EPN1: variants seen among roughly 807,000 people sequenced by gnomAD.
The protein encoded by EPN1 is epsin-1.
In EPN1, 25 loss-of-function variants were observed where a neutral mutation model predicts 56.9. The observed-to-expected ratio is 0.44, with a 90% CI of 0.32 to 0.61. EPN1 has a LOEUF of 0.61. Among genes scored for constraint, EPN1 ranks in the 20% least tolerant of loss-of-function variants. The pLI, the probability that EPN1 is intolerant of heterozygous loss-of-function variation, is 0.05. For synonymous variants in EPN1, 411 were observed against 361.8 expected (o/e 1.14, Z -1.54); for missense variants, 785 against 823.7 (o/e 0.95, Z 0.58).
rs1031579811 is a variant in EPN1, at chr19:55,706,966, G to A, written c.*11610G>A. On this transcript the variant is annotated 3_prime_UTR_variant, in exon 11 of 11. Coordinates refer to ENST00000270460, the MANE Select transcript of EPN1 (RefSeq NM_001130072.2). ...GAGGCAGGCGGATTACCTCAGGTCA[G>A]GAGTTTGAGACCAGCCTGACCAACA... is the stretch of plus-strand genomic sequence containing the variant. The A allele has an allele frequency of 1.3e-5, 2 of 152,214 alleles. No individual in the cohort carries two copies. The highest frequency in any genetic ancestry group is 4.8e-5 in the African/African-American group (2 of 41,434). 9.4% of individuals were successfully genotyped at this position (152,214 alleles called of 1,614,324 possible). A position where few individuals can be genotyped will look rare whatever the true frequency, so the allele number is the denominator to read the frequency against.
chr19:55,692,431 G>C (rs1986621121), intron 7 of EPN1, among the ~76,000 whole-genome samples: 1 of 152,058 alleles, frequency 6.6e-6, no homozygotes, highest in Non-Finnish European at 1.5e-5. Context: ...CGAGCCGTGG[G>C]AGCTGAGGGA....
rs963100088 is a variant in EPN1, at chr19:55,695,508, C to T, written c.*152C>T. On this transcript the variant is annotated 3_prime_UTR_variant, in exon 11 of 11. Coordinates refer to ENST00000270460, the MANE Select transcript of EPN1 (RefSeq NM_001130072.2). The surrounding 1 kb of genome is among the most constrained non-coding windows in gnomAD (Gnocchi z 4.4). ...CTCACACTACACCCTCTTCCTTTCC[C>T]ACCCCACCTCCCCGGAGAGAAACTG... The T allele has an allele frequency of 1.2e-5, 7 of 595,210 alleles. No individual in the cohort carries two copies. The highest frequency in any genetic ancestry group is 7.5e-5 in the African/African-American group (4 of 53,650). 36.9% of individuals were successfully genotyped at this position (595,210 alleles called of 1,614,324 possible).
chr19:55,684,890 T>G (rs1229627550), intron 2 of EPN1, among the ~76,000 whole-genome samples: 1 of 152,238 alleles, frequency 6.6e-6, no homozygotes, highest in Non-Finnish European at 1.5e-5. Context: ...CTCTTTTATT[T>G]GGATTGAGAT....
At position 55,701,463 on chromosome 19, in the gene EPN1, A is replaced by G. The variant is rs1262769304; in HGVS notation, c.*6107A>G. 6.6e-6 allele frequency: 1 copy of G among 151,950 alleles called. No homozygotes were observed. Among genetic ancestry groups the G allele is most frequent in the East Asian group, 1.9e-4 (1 of 5,180 alleles). 9.4% of individuals were successfully genotyped at this position (151,950 alleles called of 1,614,324 possible). A position where few individuals can be genotyped will look rare whatever the true frequency, so the allele number is the denominator to read the frequency against. The stretch of plus-strand genomic sequence containing the variant: ...GACCCTGTCTCCAAAAAAAAAAAAA[A>G]AATGATACTGTTTCCTGTATTTTTT... On this transcript the variant is annotated 3_prime_UTR_variant, in exon 11 of 11. Coordinates refer to ENST00000270460, the MANE Select transcript of EPN1 (RefSeq NM_001130072.2).
chr19:55,692,184 G>A (rs1229517226), intron 7 of EPN1, 127 bp downstream of exon 7: 2 of 894,904 alleles, frequency 2.2e-6, no homozygotes, highest in Non-Finnish European at 3.1e-6. Flanking sequence ...CCTGGGTGCA[G>A]GGGAGGGGGC....
chr19:55,706,078 C>G lies in EPN1; in HGVS notation c.*10722C>G. ...AGAATGTCCATTGGTTGGGGAACAA[C>G]CCAGCTTTAGTTTTTCCAGATTCTC... On this transcript the variant is annotated 3_prime_UTR_variant, in exon 11 of 11. Transcript: ENST00000270460. 4.1e-6 allele frequency: 1 copy of G among 244,396 alleles called. No individual in the cohort carries two copies. The highest frequency in any genetic ancestry group is 8.2e-6 in the Non-Finnish European group (1 of 121,654). 15.1% of individuals were successfully genotyped at this position (244,396 alleles called of 1,614,324 possible).
chr19:55,704,508 C>T lies in EPN1; in HGVS notation c.*9152C>T, dbSNP rs1212658515. 1 of 152,228 alleles carries T rather than the reference C, an allele frequency of 6.6e-6. No individual in the cohort carries two copies. Among genetic ancestry groups the T allele is most frequent in the Non-Finnish European group, 1.5e-5 (1 of 68,058 alleles). The allele number at this position is 152,228 out of a possible 1,614,324, so 9.4% of individuals were successfully genotyped here. On this transcript the variant is annotated 3_prime_UTR_variant, in exon 11 of 11. Transcript: ENST00000270460. ...GGAGAGAGGCCTTGGCGGAAGCCAACCCTGCAGCACCTTCATCTTGAATTT... is the reference window on the plus strand; with the variant it reads ...GGAGAGAGGCCTTGGCGGAAGCCAATCCTGCAGCACCTTCATCTTGAATTT...
chr19:55,701,567 C>G lies in EPN1; in HGVS notation c.*6211C>G, dbSNP rs78808463. The G allele has an allele frequency of 6.6e-6, 1 of 152,224 alleles. No individual in the cohort carries two copies. The highest frequency in any genetic ancestry group is 1.9e-4 in the East Asian group (1 of 5,188). 9.4% of individuals were successfully genotyped at this position (152,224 alleles called of 1,614,324 possible). Reference sequence around the variant, plus strand: ...TCCCCTTTCCCGGACTATTCTGACCCCAGCAGTTCTCAGAAGGAGCTGACA... The same window carrying G: ...TCCCCTTTCCCGGACTATTCTGACCGCAGCAGTTCTCAGAAGGAGCTGACA... On this transcript the variant is annotated 3_prime_UTR_variant, in exon 11 of 11. Transcript: ENST00000270460.
In EPN1 at chr19:55,706,271, C is replaced by T. The variant is rs1465145233; in HGVS notation, c.*10915C>T. 29 of 116,174 alleles carry T rather than the reference C, an allele frequency of 2.5e-4. 1 individual carries two copies. The highest frequency in any genetic ancestry group is 3.5e-4 in the African/African-American group (8 of 22,804). The allele number at this position is 116,174 out of a possible 1,614,324, so 7.2% of individuals were successfully genotyped here. On this transcript the variant is annotated 3_prime_UTR_variant, in exon 11 of 11. Transcript: ENST00000270460. ...TCCTCCTCTTTTCTTCCTTTCTTCTCTTTTTCTTCTTCTTTTTTTTTTTTT... is the reference window on the plus strand; with the variant it reads ...TCCTCCTCTTTTCTTCCTTTCTTCTTTTTTTCTTCTTCTTTTTTTTTTTTT...
At position 55,701,181 on chromosome 19, in the gene EPN1, T is replaced by A. The variant is rs1290294558; in HGVS notation, c.*5825T>A. ...ATGATACTGTTTCGCCTGGGTGCTG[T>A]GGCTCATGCTTGTAATCCTAGCACT... On this transcript the variant is annotated 3_prime_UTR_variant, in exon 11 of 11. Transcript: ENST00000270460. 6.6e-6 allele frequency: 1 copy of A among 152,214 alleles called. No homozygotes were observed. Among genetic ancestry groups the A allele is most frequent in the Non-Finnish European group, 1.5e-5 (1 of 68,074 alleles). The allele number at this position is 152,214 out of a possible 1,614,324, so 9.4% of individuals were successfully genotyped here. A position where few individuals can be genotyped will look rare whatever the true frequency, so the allele number is the denominator to read the frequency against.
rs1454730417 is a variant in EPN1 at position 55,704,820 on chromosome 19, AGAC to A, written c.*9465_*9467del. Reference sequence around the variant, plus strand: ...CACCGCTCCCTTCCTTCTGTAATACAGACAACAGAGACAGGAGATGGCCTGGCC... The same window carrying A: ...CACCGCTCCCTTCCTTCTGTAATACAAACAGAGACAGGAGATGGCCTGGCC... On this transcript the variant is annotated 3_prime_UTR_variant, in exon 11 of 11. Transcript: ENST00000270460. 1 of 152,374 alleles carries A rather than the reference AGAC, an allele frequency of 6.6e-6. No homozygotes were observed. Among genetic ancestry groups the A allele is most frequent in the Non-Finnish European group, 1.5e-5 (1 of 68,138 alleles). The allele number at this position is 152,374 out of a possible 1,614,324, so 9.4% of individuals were successfully genotyped here. A position where few individuals can be genotyped will look rare whatever the true frequency, so the allele number is the denominator to read the frequency against.
Position 55,700,794 on chromosome 19 carries a change from T to C in EPN1, c.*5438T>C, listed in dbSNP as rs1305197617. 3.9e-5 allele frequency: 6 copies of C among 152,390 alleles called. No individual in the cohort carries two copies. The highest frequency in any genetic ancestry group is 3.9e-4 in the Admixed American group (6 of 15,304). The allele number at this position is 152,390 out of a possible 1,614,324, so 9.4% of individuals were successfully genotyped here. Reference sequence around the variant, plus strand: ...TCAAAAGGTATAACTCATGCATTGATGGGGGTAACCCCTACAGCAGTTAAC... The same window carrying C: ...TCAAAAGGTATAACTCATGCATTGACGGGGGTAACCCCTACAGCAGTTAAC... On this transcript the variant is annotated 3_prime_UTR_variant, in exon 11 of 11. Transcript: ENST00000270460.
Position 55,692,765 on chromosome 19 carries a change from A to T in EPN1, c.1146A>T (p.Ser382=), listed in dbSNP as rs771266849. ...APAFSDPWGG[S]PAKPSTNGTT... ...CCTTCTCAGATCCCTGGGGAGGGTCACCTGCCAAGCCCAGCACCAATGGCA... is the reference window on the plus strand; with the variant it reads ...CCTTCTCAGATCCCTGGGGAGGGTCTCCTGCCAAGCCCAGCACCAATGGCA... The change falls in exon 8 of 11, where the codon TCA becomes TCT. Residue 382 remains serine, a synonymous_variant. Transcript: ENST00000270460. The T allele has an allele frequency of 6.3e-7, 1 of 1,590,944 alleles. No homozygotes were observed. The highest frequency in any genetic ancestry group is 8.6e-7 in the Non-Finnish European group (1 of 1,169,126).
rs1049197592 is a variant in EPN1 at position 55,697,083 on chromosome 19, A to C, written c.*1727A>C. On this transcript the variant is annotated 3_prime_UTR_variant, in exon 11 of 11. Coordinates refer to ENST00000270460, the MANE Select transcript of EPN1 (RefSeq NM_001130072.2). ...GCCAGGGAGGGGAAGCCCTCTTCTC[A>C]CACCCGGCCTGGGTATGTTGTGGGA... 3 of 152,142 alleles carry C rather than the reference A, an allele frequency of 2.0e-5. No homozygotes were observed. The South Asian group carries it at 6.2e-4, about 31-fold the overall frequency. 9.4% of individuals were successfully genotyped at this position (152,142 alleles called of 1,614,324 possible).
chr19:55,702,322 T>C lies in EPN1; in HGVS notation c.*6966T>C, dbSNP rs917194350. 4.6e-5 allele frequency: 7 copies of C among 152,284 alleles called. No individual in the cohort carries two copies. The highest frequency in any genetic ancestry group is 1.7e-4 in the African/African-American group (7 of 41,456). 9.4% of individuals were successfully genotyped at this position (152,284 alleles called of 1,614,324 possible). The stretch of plus-strand genomic sequence containing the variant: ...GTTTGTGCTGCTCTGCGCTGCTGCT[T>C]ATCTGTGTGTGCTAAAAGGGGAGGG... On this transcript the variant is annotated 3_prime_UTR_variant, in exon 11 of 11. Transcript: ENST00000270460.
rs972161150 is a variant in EPN1, at chr19:55,691,001, G to A, written c.763-753G>A. On this transcript the variant is annotated intron_variant, in intron 6 of 10. Coordinates refer to ENST00000270460, the MANE Select transcript of EPN1 (RefSeq NM_001130072.2). The surrounding 1 kb of genome is among the most constrained non-coding windows in gnomAD (Gnocchi z 5.6). ...CAGCTCTTCTCCCCTTCCCATCCCC[G>A]CCGGGGCCTTTGCCTCACGGGTGCT... Among the ~76,000 whole-genome samples, 2 of 152,090 alleles carry A rather than the reference G, an allele frequency of 1.3e-5. No individual in the cohort carries two copies. Among genetic ancestry groups the A allele is most frequent in the African/African-American group, 2.4e-5 (1 of 41,420 alleles).
At position 55,691,660 on chromosome 19, in the gene EPN1, C is replaced by A. The variant is rs1322320976; in HGVS notation, c.763-94C>A. ...ATGGCTGCTGTCTGGACACCCAGGGCCTGGCCGCCTCCCCCGCCACGGGCC... is the reference window on the plus strand; with the variant it reads ...ATGGCTGCTGTCTGGACACCCAGGGACTGGCCGCCTCCCCCGCCACGGGCC... On this transcript the variant is annotated intron_variant, in intron 6 of 10. Transcript: ENST00000270460. This position sits in a 1 kb window ranked among gnomAD's most constrained non-coding sequence, Gnocchi z 5.6. 2 of 1,130,616 alleles carry A rather than the reference C, an allele frequency of 1.8e-6. No individual in the cohort carries two copies. The highest frequency in any genetic ancestry group is 2.5e-5 in the East Asian group (1 of 40,560). 70.0% of individuals were successfully genotyped at this position (1,130,616 alleles called of 1,614,324 possible).
rs1406739135 is a variant in EPN1, at chr19:55,701,303, G to C, written c.*5947G>C. 2 of 151,702 alleles carry C rather than the reference G, an allele frequency of 1.3e-5. No homozygotes were observed. The highest frequency in any genetic ancestry group is 2.9e-5 in the Non-Finnish European group (2 of 67,942). The allele number at this position is 151,702 out of a possible 1,614,324, so 9.4% of individuals were successfully genotyped here. On this transcript the variant is annotated 3_prime_UTR_variant, in exon 11 of 11. Coordinates refer to ENST00000270460, the MANE Select transcript of EPN1 (RefSeq NM_001130072.2). ...GTCTCTACTAAAAATACAAAAATTA[G>C]CCTAGTGTGGTGGCGGGCACCTGTA...
chr19:55,689,209 C>T lies in EPN1; in HGVS notation c.604-88C>T, dbSNP rs1195129514. ...CTGGTTCAGGGACCCCCAGCCCTCTCTTTCTTCGGCTCTATCTGACCCTGG... is the reference window on the plus strand; with the variant it reads ...CTGGTTCAGGGACCCCCAGCCCTCTTTTTCTTCGGCTCTATCTGACCCTGG... On this transcript the variant is annotated intron_variant, in intron 4 of 10. Transcript: ENST00000270460. The surrounding 1 kb of genome is among the most constrained non-coding windows in gnomAD (Gnocchi z 5.7). 1 of 1,194,804 alleles carries T rather than the reference C, an allele frequency of 8.4e-7. No individual in the cohort carries two copies. The highest frequency in any genetic ancestry group is 1.2e-6 in the Non-Finnish European group (1 of 833,482). The allele number at this position is 1,194,804 out of a possible 1,614,324, so 74.0% of individuals were successfully genotyped here.
Sources: allele counts gnomAD v4.1 joint callset (sites outside exome capture counted in the v4.1 genomes callset), GRCh38; gene constraint gnomAD v4.1.1; non-coding constraint Gnocchi (gnomAD v3.1); transcripts MANE v1.5; gene names NCBI Gene and HGNC (gene_info 2026-07-23, HGNC 2026-07-21).